SIRPD: variants seen among roughly 807,000 people sequenced by gnomAD.
SIRPD encodes the protein signal regulatory protein delta.
SIRPD carries 21 observed loss-of-function variants against 18.0 expected under a neutral mutation model. The observed-to-expected ratio is 1.17, with a 90% CI of 0.83 to 1.68. The LOEUF (loss-of-function observed/expected upper bound fraction) is 1.68. Among genes scored for constraint, SIRPD ranks in the 40% most tolerant of loss-of-function variants. The pLI is 0.00. For synonymous variants in SIRPD, 106 were observed against 92.9 expected, an observed-to-expected ratio of 1.14 and a Z score of -0.81; for missense variants, 295 against 238.4, an observed-to-expected ratio of 1.24 and a Z score of -1.56.
intron 2 of SIRPD, among the ~76,000 whole-genome samples, chr20:1,546,588 C>T (rs1270217508): frequency 2.6e-5 from 4 of 152,128 alleles, no homozygotes; most frequent in Admixed American, 6.5e-5. Flanking sequence ...GTTTTCATTT[C>T]TCTTGAGTAA....
At chr20:1,549,515 A>G (rs1298986797) in intron 2 of SIRPD, among the ~76,000 whole-genome samples, 2 of 151,658 alleles carry the variant, frequency 1.3e-5, no homozygotes, top group Non-Finnish European at 2.9e-5. Flanking sequence ...GAGGCTTGTT[A>G]TTGTCATCTG....
At chr20:1,555,200 T>C (rs1248969085) in intron 1 of SIRPD, among the ~76,000 whole-genome samples, 1 of 152,172 alleles carries the variant, frequency 6.6e-6, no homozygotes, top group East Asian at 1.9e-4. Flanking sequence ...GATATTATGG[T>C]GTGAAATAAG....
chr20:1,537,051 G>A, intron 3 of SIRPD, 104 bp downstream of exon 3: 1 of 1,384,464 alleles, frequency 7.2e-7, no homozygotes, highest in Admixed American at 2.0e-5. Context: ...GAGGCCCTAG[G>A]ACAACAGAGA....
intron 2 of SIRPD, chr20:1,540,092 A>C: frequency 3.1e-6 from 1 of 325,824 alleles, no homozygotes; most frequent in South Asian, 2.5e-5. Flanking sequence ...ATTTGTTAAG[A>C]ATCTGGTAGC....
chr20:1,540,045 TG>T (rs1330067450), intron 2 of SIRPD: 1 of 244,982 alleles, frequency 4.1e-6, no homozygotes, highest in African/African-American at 2.3e-5. Flanking sequence ...CACTAAGTTT[TG>T]GGTAATTTGT....
chr20:1,544,965 G>A (rs991300440), intron 2 of SIRPD, among the ~76,000 whole-genome samples: 23 of 152,076 alleles, frequency 1.5e-4, no homozygotes, highest in Admixed American at 1.2e-3. Flanking sequence ...TGGCTTGTAC[G>A]GTTTCTGAAG....
At position 1,537,091 on chromosome 20, in the gene SIRPD, G is replaced by C; in HGVS notation, c.577+64C>G. 2.6e-6 allele frequency: 4 copies of C among 1,567,618 alleles called. No individual in the cohort carries two copies. The East Asian group carries it at 6.8e-5, about 26-fold the overall frequency. ...TCCGCCCCACTGCAGGTGGCGAAAT[G>C]GTACCGCCGCCAAACTCAGGAGAGC... On this transcript the variant is annotated intron_variant, in intron 3 of 3. Transcript: ENST00000381623.
At chr20:1,537,485 G>T (rs774433478) in intron 2 of SIRPD, among the ~76,000 whole-genome samples, 175 bp from the exon 3 acceptor site, 15 of 152,342 alleles carry the variant, frequency 9.8e-5, no homozygotes, top group Non-Finnish European at 2.1e-4. Context: ...GGCCCTGGCA[G>T]ACACCCTTAG....
Position 1,534,407 on chromosome 20 carries a change from G to T in SIRPD, c.*18C>A, listed in dbSNP as rs749802902. ...GGGGGCTTTTGTTATTTACTTGTACGTTCCTTCCCTGTTTGGATTATTTTG... is the reference window on the plus strand; with the variant it reads ...GGGGGCTTTTGTTATTTACTTGTACTTTCCTTCCCTGTTTGGATTATTTTG... On this transcript the variant is annotated 3_prime_UTR_variant, in exon 4 of 4. Transcript: ENST00000381623. The T allele has an allele frequency of 1.9e-6, 3 of 1,612,126 alleles. No homozygotes were observed. Among genetic ancestry groups the T allele is most frequent in the East Asian group, 2.2e-5 (1 of 44,882 alleles).
At chr20:1,553,988 A>G (rs975493420) in intron 1 of SIRPD, 1 of 152,612 alleles carries the variant, frequency 6.6e-6, no homozygotes, top group Non-Finnish European at 1.5e-5. Flanking sequence ...GAAAAACTCC[A>G]TGTCAGGGTG....
chr20:1,552,798 A>T (rs954624837), intron 1 of SIRPD, among the ~76,000 whole-genome samples: 7 of 152,090 alleles, frequency 4.6e-5, no homozygotes, highest in African/African-American at 1.7e-4. Context: ...AGAGAAAGGG[A>T]ACTCCTGGCT....
intron 2 of SIRPD, among the ~76,000 whole-genome samples, chr20:1,539,110 A>C (rs2090960161): frequency 1.3e-5 from 2 of 152,124 alleles, no homozygotes; most frequent in African/African-American, 2.4e-5. Flanking sequence ...TATTTTTCTG[A>C]TATAGGGATT....
chr20:1,550,343 C>T (rs1457779111), intron 2 of SIRPD, among the ~76,000 whole-genome samples: 1 of 152,148 alleles, frequency 6.6e-6, no homozygotes, highest in Non-Finnish European at 1.5e-5. Flanking sequence ...TGGATAGTTC[C>T]CTAGAACTCA....
At chr20:1,550,325 G>A (rs1374045095) in intron 2 of SIRPD, among the ~76,000 whole-genome samples, 1 of 152,198 alleles carries the variant, frequency 6.6e-6, no homozygotes, top group Non-Finnish European at 1.5e-5. Flanking sequence ...GCATACAAAA[G>A]GCTAATGTGG....
intron 2 of SIRPD, among the ~76,000 whole-genome samples, chr20:1,550,039 TCTAA>T (rs766364350): frequency 6.6e-6 from 1 of 152,128 alleles, no homozygotes; most frequent in Non-Finnish European, 1.5e-5. Context: ...ATATCTCCAC[TCTAA>T]CTAGAGACTT....
At chr20:1,541,508 G>C (rs1340648405) in intron 2 of SIRPD, among the ~76,000 whole-genome samples, 1 of 152,058 alleles carries the variant, frequency 6.6e-6, no homozygotes, top group African/African-American at 2.4e-5. Flanking sequence ...TTGTACATTT[G>C]TTCATGTTCC....
chr20:1,535,330 T>G (rs1299419874), intron 3 of SIRPD, among the ~76,000 whole-genome samples: 1 of 152,184 alleles, frequency 6.6e-6, no homozygotes, highest in Non-Finnish European at 1.5e-5. Flanking sequence ...CTCTATTGCT[T>G]GATTGCTATA....
intron 2 of SIRPD, among the ~76,000 whole-genome samples, chr20:1,545,236 C>T (rs1181334947): frequency 6.6e-6 from 1 of 152,214 alleles, no homozygotes; most frequent in Non-Finnish European, 1.5e-5. Context: ...TTCTCCCCAT[C>T]ACTTTAGGTA....
intron 3 of SIRPD, among the ~76,000 whole-genome samples, chr20:1,534,819 C>T (rs139374947): frequency 6.6e-6 from 1 of 152,356 alleles, no homozygotes; most frequent in African/African-American, 2.4e-5. Flanking sequence ...GATATTGAGA[C>T]ACTCACGTTT....
Sources: gnomAD v4.1 joint callset for allele counts (sites outside exome capture counted in the v4.1 genomes callset) on GRCh38, gnomAD v4.1.1 for gene constraint, MANE v1.5 for transcripts, NCBI Gene and HGNC (gene_info 2026-07-23, HGNC 2026-07-21) for gene names.